STK4: variants seen among roughly 807,000 people sequenced by gnomAD.
STK4 encodes serine/threonine kinase 4, also known as serine/threonine-protein kinase 4.
Under a neutral mutation model 64.9 loss-of-function variants are expected in STK4, and 30 were observed. That is an observed-to-expected ratio of 0.46 (90% CI 0.35 to 0.63). The LOEUF (loss-of-function observed/expected upper bound fraction) is 0.63. Ranked by LOEUF, STK4 falls within the 20% of genes least tolerant of loss-of-function variation. The pLI, the probability that STK4 is intolerant of heterozygous loss-of-function variation, is 0.01. For synonymous variants in STK4, 177 were observed against 199.0 expected, an observed-to-expected ratio of 0.89 and a Z score of 0.93; for missense variants, 466 against 598.5, an observed-to-expected ratio of 0.78 and a Z score of 2.31.
intron 4 of STK4, 83 bp from the exon 5 acceptor site, chr20:44,987,049 A>T: frequency 8.5e-7 from 1 of 1,170,750 alleles, no homozygotes; most frequent in Non-Finnish European, 1.2e-6. Flanking sequence ...TATATTAAAG[A>T]AAGGTTTGGA....
rs184306876 is a variant in STK4, at chr20:44,996,035, G to T, written c.693+778G>T. 7.9e-5 allele frequency among the ~76,000 whole-genome samples: 12 copies of T among 152,228 alleles called. No individual in the cohort carries two copies. The East Asian group carries it at 2.1e-3, about 27-fold the overall frequency. ...TTTCTCTAATGTTTTTCTTATAATAGTGTTAAGAAGAAAGCAAACTGTATT... is the reference window on the plus strand; with the variant it reads ...TTTCTCTAATGTTTTTCTTATAATATTGTTAAGAAGAAAGCAAACTGTATT... On this transcript the variant is annotated intron_variant, in intron 6 of 10. Transcript: ENST00000372806.
chr20:45,017,888 G>A (rs2068172307), intron 9 of STK4, among the ~76,000 whole-genome samples: 1 of 152,144 alleles, frequency 6.6e-6, no homozygotes, highest in South Asian at 2.1e-4. Flanking sequence ...TCATATAGAG[G>A]CAGTTACTGA....
At chr20:44,973,950 T>C (rs1374291091) in intron 2 of STK4, 1 of 152,254 alleles carries the variant, frequency 6.6e-6, no homozygotes, top group Non-Finnish European at 1.5e-5. Context: ...GGTGTTGTTA[T>C]AGGTAGCTCT....
At chr20:44,988,313 G>A (rs375410194) in intron 5 of STK4, among the ~76,000 whole-genome samples, 15 of 151,478 alleles carry the variant, frequency 9.9e-5, no homozygotes, top group African/African-American at 3.4e-4. Context: ...TTAGGAGTTC[G>A]AGACCAGCCT....
In STK4 at chr20:45,078,436, A is replaced by T. The variant is rs1031142139; in HGVS notation, c.*3260A>T. ...TAGCCAGGTGGGTCTTGAACTCCTG[A>T]CCTTGTGATCCACCCGCCTCGGCCT... is the stretch of plus-strand genomic sequence containing the variant. On this transcript the variant is annotated 3_prime_UTR_variant, in exon 11 of 11. Transcript: ENST00000372806. The T allele has an allele frequency of 6.6e-6, 1 of 152,050 alleles. No homozygotes were observed. The highest frequency in any genetic ancestry group is 2.4e-5 in the African/African-American group (1 of 41,362). The allele number at this position is 152,050 out of a possible 1,614,324, so 9.4% of individuals were successfully genotyped here. A position where few individuals can be genotyped will look rare whatever the true frequency, so the allele number is the denominator to read the frequency against.
chr20:45,027,149 C>T (rs1400477423), intron 10 of STK4, among the ~76,000 whole-genome samples: 6 of 152,110 alleles, frequency 3.9e-5, no homozygotes, highest in African/African-American at 1.4e-4. Context: ...GCGATTTTGG[C>T]TAGGCGCAGT....
At chr20:45,034,590 A>G (rs1360578567) in intron 10 of STK4, among the ~76,000 whole-genome samples, 1 of 152,070 alleles carries the variant, frequency 6.6e-6, no homozygotes, top group East Asian at 1.9e-4. Flanking sequence ...CAAAACCACA[A>G]TAATGAAAGC....
chr20:44,993,617 A>G (rs945053734), intron 5 of STK4, among the ~76,000 whole-genome samples: 9 of 152,370 alleles, frequency 5.9e-5, no homozygotes, highest in Admixed American at 2.0e-4. Flanking sequence ...AGCCTAAATC[A>G]CAGGCATTTC....
At chr20:45,042,617 C>A (rs1229701747) in intron 10 of STK4, among the ~76,000 whole-genome samples, 1 of 152,142 alleles carries the variant, frequency 6.6e-6, no homozygotes, top group Non-Finnish European at 1.5e-5. Context: ...CTCCAAGCAC[C>A]AGTAATGCTG....
At chr20:45,008,510 C>T (rs1349964767) in intron 9 of STK4, among the ~76,000 whole-genome samples, 3 of 152,168 alleles carry the variant, frequency 2.0e-5, no homozygotes, top group Non-Finnish European at 4.4e-5. Context: ...GTCAACTCAT[C>T]GTATGAATGC....
At position 44,981,838 on chromosome 20, in the gene STK4, A is replaced by T. The variant is rs2067445780; in HGVS notation, c.255A>T (p.Val85=). The T allele has an allele frequency of 1.2e-6, 2 of 1,605,644 alleles. No individual in the cohort carries two copies. Among genetic ancestry groups the T allele is most frequent in the Admixed American group, 1.7e-5 (1 of 59,964 alleles). Residue 85 remains valine (V), a synonymous_variant, in exon 4 of 11, where the codon GTA becomes GTT. Transcript: ENST00000372806. ...GTCTCTCTCTCTCTAGCCCTCATGTAGTCAAATATTATGGCAGTTATTTTA... is the reference window on the plus strand; with the variant it reads ...GTCTCTCTCTCTCTAGCCCTCATGTTGTCAAATATTATGGCAGTTATTTTA... ...SIMQQCDSPH[V]VKYYGSYFKN...
At chr20:45,024,374 A>AT (rs1305681269) in intron 9 of STK4, among the ~76,000 whole-genome samples, 1 of 149,538 alleles carries the variant, frequency 6.7e-6, no homozygotes. Context: ...ACTGTATCCT[A>AT]TTTTTTCCTG....
intron 9 of STK4, among the ~76,000 whole-genome samples, chr20:45,024,195 T>C (rs115429905): frequency 0.028 from 4,271 of 152,076 alleles, 187 homozygotes; most frequent in African/African-American, 0.092. Flanking sequence ...CCACCGCGCC[T>C]GACCCAGTAC....
intron 10 of STK4, among the ~76,000 whole-genome samples, chr20:45,061,959 A>C (rs1456224238): frequency 4.9e-5 from 7 of 143,112 alleles, no homozygotes; most frequent in African/African-American, 1.8e-4. Context: ...AGCTCACTGC[A>C]ACCCCCGTCT....
intron 9 of STK4, among the ~76,000 whole-genome samples, chr20:45,015,435 C>T (rs2068123648): frequency 6.6e-6 from 1 of 152,152 alleles, no homozygotes; most frequent in Non-Finnish European, 1.5e-5. Flanking sequence ...CTTCTTTTAC[C>T]ACGGTAGCCT....
intron 10 of STK4, among the ~76,000 whole-genome samples, chr20:45,063,408 A>G (rs1489512241): frequency 6.6e-6 from 1 of 152,106 alleles, no homozygotes; most frequent in Non-Finnish European, 1.5e-5. Context: ...GTGTCTGTTC[A>G]TGTCCTCTGC....
In STK4 at chr20:45,012,770, TTATA is replaced by T. The variant is rs201188375; in HGVS notation, c.1147+11422_1147+11425del. Among the ~76,000 whole-genome samples the T allele has an allele frequency of 9.9e-3, 1,484 of 150,208 alleles. 25 individuals carry two copies. Among genetic ancestry groups the T allele is most frequent in the African/African-American group, 0.035 (1,427 of 40,576 alleles). On this transcript the variant is annotated intron_variant, in intron 9 of 10. Coordinates refer to ENST00000372806, the MANE Select transcript of STK4 (RefSeq NM_006282.5). ...TGATTATAGTTTTTCCTTTTGATCT[TTATA>T]TATAATCTTCTTCTTCTTCTTCTTC...
chr20:45,000,504 A>G lies in STK4; in HGVS notation c.944A>G (p.Asp315Gly). The G allele has an allele frequency of 6.2e-7, 1 of 1,614,052 alleles. No individual in the cohort carries two copies. The highest frequency in any genetic ancestry group is 1.1e-5 in the South Asian group (1 of 91,084). Residue 315 changes from aspartate (D) to glycine (G), a missense_variant, in exon 8 of 11, where the codon GAC becomes GGC. Asp to Gly is a moderately conservative substitution (Grantham distance 94, BLOSUM62 -1). Around this residue, in one of 2 missense-constraint regions of STK4, gnomAD observed 276 missense variants for 308.9 expected, o/e 0.89. Coordinates refer to ENST00000372806, the MANE Select transcript of STK4 (RefSeq NM_006282.5). ...QESQQREVDQ[D>G]DEENSEEDEM... ...TCCCAGCAGCGGGAAGTGGACCAGG[A>G]CGATGAAGAAAACTCAGTGAGTGGC...
chr20:44,995,027 T>A, intron 5 of STK4, 63 bp from the exon 6 acceptor site: 5 of 1,209,962 alleles, frequency 4.1e-6, no homozygotes, highest in Admixed American at 2.9e-5. Flanking sequence ...CTCTGTAGAC[T>A]TCCTCTGTGG....
Sources: gnomAD v4.1 joint callset for allele counts (sites outside exome capture counted in the v4.1 genomes callset) on GRCh38, gnomAD v4.1.1 for gene constraint, gnomAD v4.1.1 regional missense constraint, MANE v1.5 for transcripts, NCBI Gene and HGNC (gene_info 2026-07-23, HGNC 2026-07-21) for gene names.